Variants in ARSB observed in about 807,000 individuals in gnomAD.
ARSB encodes N-acetylgalactosamine-4-sulfatase.
Under a neutral mutation model 50.9 loss-of-function variants are expected in ARSB, and 41 were observed. The observed-to-expected ratio is 0.81, with a 90% CI of 0.63 to 1.04. ARSB has a LOEUF of 1.04. Ranked by LOEUF, ARSB falls within the 50% of genes least tolerant of loss-of-function variation. The pLI is 0.00. For missense variants in ARSB, 672 were observed against 693.3 expected, an observed-to-expected ratio of 0.97 and a Z score of 0.35; for synonymous variants, 269 against 284.8, an observed-to-expected ratio of 0.94 and a Z score of 0.56.
chr5:78,825,796 T>A (rs1217154342), intron 6 of ARSB, among the ~76,000 whole-genome samples: 1 of 152,166 alleles, frequency 6.6e-6, no homozygotes, highest in South Asian at 2.1e-4. Context: ...AAAGAAAGGA[T>A]CTGAAATGAA....
chr5:78,838,615 T>C (rs1043535059), intron 6 of ARSB, among the ~76,000 whole-genome samples: 4 of 152,140 alleles, frequency 2.6e-5, no homozygotes, highest in African/African-American at 9.7e-5. Context: ...TAAGGGAATA[T>C]AAGGGCACTG....
intron 5 of ARSB, among the ~76,000 whole-genome samples, chr5:78,843,851 C>T (rs1379688962): frequency 6.6e-6 from 1 of 152,210 alleles, no homozygotes; most frequent in African/African-American, 2.4e-5. Flanking sequence ...ATAATGTTTT[C>T]AAGGATCATC....
intron 6 of ARSB, among the ~76,000 whole-genome samples, chr5:78,788,993 G>A (rs544797384): frequency 1.3e-5 from 2 of 152,300 alleles, no homozygotes; most frequent in South Asian, 4.1e-4. Context: ...ACACTAATTA[G>A]TGATTCCAAT....
At chr5:78,883,047 G>C (rs111758480) in intron 5 of ARSB, 23,876 of 152,022 alleles carry the variant, frequency 0.16, 1,926 homozygotes, top group Middle Eastern at 0.2. Context: ...GTCTCCCAAA[G>C]TGCTGGGATT....
At chr5:78,838,248 TG>T (rs377507507) in intron 6 of ARSB, among the ~76,000 whole-genome samples, 591 of 152,082 alleles carry the variant, frequency 3.9e-3, no homozygotes, top group African/African-American at 0.013. Flanking sequence ...GAGGGAGACA[TG>T]GGGCTGGGTT....
At position 78,848,132 on chromosome 5, in the gene ARSB, T is replaced by C. The variant is rs573785217; in HGVS notation, c.1143-8706A>G. Among the ~76,000 whole-genome samples, 19 of 151,364 alleles carry C rather than the reference T, an allele frequency of 1.3e-4. No individual in the cohort carries two copies. The East Asian group carries it at 3.5e-3, about 28-fold the overall frequency. Reference sequence around the variant, plus strand: ...GTGCACAATGTGCAGGTTAGTTACATATGTATACATGTGCCATGCTGTTGT... The same window carrying C: ...GTGCACAATGTGCAGGTTAGTTACACATGTATACATGTGCCATGCTGTTGT... On this transcript the variant is annotated intron_variant, in intron 5 of 7. Coordinates refer to ENST00000264914, the MANE Select transcript of ARSB (RefSeq NM_000046.5).
chr5:78,984,939 G>T lies in ARSB; in HGVS notation c.310C>A (p.Gln104Lys). The T allele has an allele frequency of 1.4e-6, 2 of 1,412,524 alleles. No individual in the cohort carries two copies. The highest frequency in any genetic ancestry group is 1.9e-6 in the Non-Finnish European group (2 of 1,079,548). The allele number at this position is 1,412,524 out of a possible 1,614,324, so 87.5% of individuals were successfully genotyped here. A position where few individuals can be genotyped will look rare whatever the true frequency, so the allele number is the denominator to read the frequency against. Residue 104 changes from glutamine (Q) to lysine (K), a missense_variant and splice_region_variant, in exon 1 of 8, where the codon CAG becomes AAG. Gln to Lys is a moderately conservative substitution (Grantham distance 53). Transcript: ENST00000264914. ...SRSQLLTGRYQIRTGLQHQII... is the reference protein window; with the variant it reads ...SRSQLLTGRYKIRTGLQHQII... ...CGGGCGGCGGGGGCGCCGCGTACCT[G>T]GTAGCGGCCAGTGAGCAGCTGGCTC...
intron 1 of ARSB, among the ~76,000 whole-genome samples, chr5:78,977,924 T>C (rs1580158258): frequency 6.6e-6 from 1 of 151,984 alleles, no homozygotes; most frequent in African/African-American, 2.4e-5. Flanking sequence ...CTACTGAAAA[T>C]AAAATTAAGA....
chr5:78,971,894 T>A (rs367608377), intron 1 of ARSB, among the ~76,000 whole-genome samples: 5 of 152,242 alleles, frequency 3.3e-5, no homozygotes, highest in African/African-American at 1.2e-4. Flanking sequence ...CAATCATATC[T>A]CAATAAAACT....
chr5:78,979,433 C>G (rs1480030381), intron 1 of ARSB, among the ~76,000 whole-genome samples: 1 of 152,194 alleles, frequency 6.6e-6, no homozygotes, highest in Admixed American at 6.5e-5. Flanking sequence ...ATTTCCAATT[C>G]CTCAAAGAGT....
In ARSB at chr5:78,830,649, G is replaced by A. The variant is rs897348385; in HGVS notation, c.1213+8707C>T. ...GTGTGAAGTGGGGTGGAGGGGATACGAGGCTTGTGGGACTGCCTTTGGCAT... is the reference window on the plus strand; with the variant it reads ...GTGTGAAGTGGGGTGGAGGGGATACAAGGCTTGTGGGACTGCCTTTGGCAT... On this transcript the variant is annotated intron_variant, in intron 6 of 7. Transcript: ENST00000264914. 5.3e-5 allele frequency among the ~76,000 whole-genome samples: 8 copies of A among 152,154 alleles called. No homozygotes were observed. The East Asian group carries it at 7.7e-4, about 15-fold the overall frequency.
At chr5:78,806,728 C>T (rs1465629140) in intron 6 of ARSB, among the ~76,000 whole-genome samples, 3 of 152,194 alleles carry the variant, frequency 2.0e-5, no homozygotes, top group East Asian at 1.9e-4. Context: ...CCAACTTCAT[C>T]GTCTCCATAC....
chr5:78,944,281 C>CA (rs1221238354), intron 4 of ARSB, among the ~76,000 whole-genome samples: 4 of 152,352 alleles, frequency 2.6e-5, no homozygotes, highest in African/African-American at 9.6e-5. Context: ...CTCAACTCAT[C>CA]AAACTCATTC....
At chr5:78,888,252 T>C (rs148472137) in intron 4 of ARSB, among the ~76,000 whole-genome samples, 60 of 152,320 alleles carry the variant, frequency 3.9e-4, no homozygotes, top group African/African-American at 1.3e-3. Context: ...TTCCATTTCA[T>C]ATTGAAGCTG....
intron 5 of ARSB, among the ~76,000 whole-genome samples, chr5:78,846,550 A>G (rs1745452697): frequency 6.6e-6 from 1 of 152,088 alleles, no homozygotes. Flanking sequence ...CTCTTCTGCT[A>G]GCTTGTTGCT....
At chr5:78,945,799 C>A (rs1222629221) in intron 4 of ARSB, among the ~76,000 whole-genome samples, 1 of 152,140 alleles carries the variant, frequency 6.6e-6, no homozygotes, top group East Asian at 1.9e-4. Context: ...ATGTTCCTTT[C>A]TCACAGGCTA....
At position 78,839,391 on chromosome 5, in the gene ARSB, T is replaced by G. The variant is rs118203944; in HGVS notation, c.1178A>C (p.His393Pro). 7.2e-5 allele frequency: 117 copies of G among 1,613,840 alleles called. No individual in the cohort carries two copies. The highest frequency in any genetic ancestry group is 9.1e-5 in the Non-Finnish European group (107 of 1,179,880). The change falls in exon 6 of 8, where the codon CAT (histidine) becomes CCT (proline). Residue 393 changes from histidine to proline, a missense_variant. His to Pro is a moderately conservative substitution (Grantham distance 77). Transcript: ENST00000264914. ...GSPSPRIELL[H>P]NIDPNFVDSS... ...GTCCACGAAGTTCGGGTCAATATTA[T>G]GCAGCAGCTCAATTCTGGGGGATGG...
At chr5:78,903,401 C>G (rs931085755) in intron 4 of ARSB, among the ~76,000 whole-genome samples, 14 of 152,190 alleles carry the variant, frequency 9.2e-5, no homozygotes, top group Non-Finnish European at 1.6e-4. Context: ...AGATGTGATT[C>G]CTCGAGACAG....
intron 5 of ARSB, among the ~76,000 whole-genome samples, chr5:78,840,707 T>G (rs1300738550): frequency 6.8e-6 from 1 of 147,572 alleles, no homozygotes; most frequent in African/African-American, 2.5e-5. Flanking sequence ...TAAATCACAG[T>G]GATCAGAGAC....
Sources: allele counts gnomAD v4.1 joint callset (sites outside exome capture counted in the v4.1 genomes callset), GRCh38; gene constraint gnomAD v4.1.1; transcripts MANE v1.5; gene names NCBI Gene and HGNC (gene_info 2026-07-23, HGNC 2026-07-21).